The following WWOX variants were observed in gnomAD, a reference collection of about 807,000 sequenced individuals.
The protein encoded by WWOX is WW domain-containing oxidoreductase.
Under a neutral mutation model 46.2 loss-of-function variants are expected in WWOX, and 69 were observed. The observed-to-expected ratio is 1.49, with a 90% CI of 1.23 to 1.82. The LOEUF (loss-of-function observed/expected upper bound fraction) is 1.82, where lower values mean the gene tolerates loss of function less well. Ranked by LOEUF, WWOX falls within the 40% of genes most tolerant of loss-of-function variation. WWOX has a pLI of 0.00. For synonymous variants in WWOX, 359 were observed against 202.6 expected, an observed-to-expected ratio of 1.77 and a Z score of -6.56; for missense variants, 919 against 542.6, an observed-to-expected ratio of 1.69 and a Z score of -6.89.
intron 8 of WWOX, among the ~76,000 whole-genome samples, chr16:79,179,910 A>G (rs2050876231): frequency 6.6e-6 from 1 of 152,228 alleles, no homozygotes; most frequent in African/African-American, 2.4e-5. Context: ...TACAGCATAG[A>G]TGTGAAGTGA....
intron 8 of WWOX, among the ~76,000 whole-genome samples, chr16:79,037,191 G>A (rs78884840): frequency 0.029 from 4,410 of 152,268 alleles, 101 homozygotes; most frequent in African/African-American, 0.057. Context: ...AGTGACAGCA[G>A]TCTTGGCCCT....
chr16:78,558,420 G>C (rs1173252927), intron 8 of WWOX, among the ~76,000 whole-genome samples: 1 of 152,208 alleles, frequency 6.6e-6, no homozygotes, highest in African/African-American at 2.4e-5. Context: ...GGGATTTCCT[G>C]CTTATCTCGA....
intron 8 of WWOX, among the ~76,000 whole-genome samples, chr16:79,111,485 T>G (rs2278050): frequency 0.086 from 13,070 of 152,214 alleles, 741 homozygotes; most frequent in East Asian, 0.18. Context: ...AATCAAGCAC[T>G]CGAGTATCCT....
At chr16:78,424,757 A>G (rs1236541971) in intron 6 of WWOX, 113 bp from the exon 7 acceptor site, 1 of 1,203,490 alleles carries the variant, frequency 8.3e-7, no homozygotes, top group Admixed American at 1.7e-5. Context: ...AGGAGCATGG[A>G]TTATCCTTGG....
At chr16:78,911,434 T>C (rs2045108536) in intron 8 of WWOX, among the ~76,000 whole-genome samples, 1 of 151,978 alleles carries the variant, frequency 6.6e-6, no homozygotes, top group African/African-American at 2.4e-5. Flanking sequence ...CTGACTTTTG[T>C]GGAGACATTA....
At chr16:78,983,992 C>T (rs2046735297) in intron 8 of WWOX, among the ~76,000 whole-genome samples, 1 of 148,330 alleles carries the variant, frequency 6.7e-6, no homozygotes, top group African/African-American at 2.5e-5. Context: ...ATTCTCCTGC[C>T]TCAGCCTCCC....
At chr16:79,160,629 A>G (rs955890299) in intron 8 of WWOX, among the ~76,000 whole-genome samples, 2 of 152,146 alleles carry the variant, frequency 1.3e-5, no homozygotes, top group African/African-American at 4.8e-5. Flanking sequence ...TTGAAGAGGT[A>G]TGGGTCAAGC....
chr16:78,883,281 A>C lies in WWOX; in HGVS notation c.1057-328327A>C, dbSNP rs188550189. 7.9e-3 allele frequency among the ~76,000 whole-genome samples: 1,134 copies of C among 143,948 alleles called. 14 individuals carry two copies. The highest frequency in any genetic ancestry group is 0.03 in the African/African-American group (1,087 of 36,796). 94.4% of individuals were successfully genotyped at this position (143,948 alleles called of 152,430 possible). ...ACCCATCTGGACCCTCTCTCTCATC[A>C]GTAACGCAGTAACGTAGAGATGAAA... On this transcript the variant is annotated intron_variant, in intron 8 of 8. Coordinates refer to ENST00000566780, the MANE Select transcript of WWOX (RefSeq NM_016373.4).
intron 8 of WWOX, among the ~76,000 whole-genome samples, chr16:78,752,779 C>G (rs8052158): frequency 0.72 from 109,479 of 152,130 alleles, 39,749 homozygotes; most frequent in Non-Finnish European, 0.77. Context: ...AATAAGTAGT[C>G]TCCAATAAAT....
intron 8 of WWOX, among the ~76,000 whole-genome samples, chr16:78,548,275 G>T (rs1223893470): frequency 6.6e-6 from 1 of 151,324 alleles, no homozygotes; most frequent in Admixed American, 6.6e-5. Context: ...CAAAAACTTG[G>T]CAGTAGCCCT....
intron 8 of WWOX, among the ~76,000 whole-genome samples, chr16:78,468,429 C>G (rs569624335): frequency 1.3e-5 from 2 of 152,086 alleles, no homozygotes; most frequent in African/African-American, 4.8e-5. Flanking sequence ...GGAACACCAC[C>G]TATCAGAGTT....
At position 78,259,823 on chromosome 16, in the gene WWOX, G is replaced by C. The variant is rs1333032557; in HGVS notation, c.516+95534G>C. 2.0e-5 allele frequency among the ~76,000 whole-genome samples: 3 copies of C among 150,640 alleles called. 1 individual carries two copies. The highest frequency in any genetic ancestry group is 4.4e-5 in the Non-Finnish European group (3 of 67,700). On this transcript the variant is annotated intron_variant, in intron 5 of 8. Coordinates refer to ENST00000566780, the MANE Select transcript of WWOX (RefSeq NM_016373.4). ...TCATATCTAGAAAAATATTGTAAAGGAATATTTAAAGATATATCCACAAAT... is the reference window on the plus strand; with the variant it reads ...TCATATCTAGAAAAATATTGTAAAGCAATATTTAAAGATATATCCACAAAT...
chr16:78,696,327 C>G (rs1449112331), intron 8 of WWOX, among the ~76,000 whole-genome samples: 1 of 152,140 alleles, frequency 6.6e-6, no homozygotes, highest in Non-Finnish European at 1.5e-5. Context: ...TAGGCTGCAC[C>G]TGAGTACCAG....
intron 8 of WWOX, among the ~76,000 whole-genome samples, chr16:78,565,155 T>A (rs1265573598): frequency 6.6e-6 from 1 of 152,246 alleles, no homozygotes; most frequent in African/African-American, 2.4e-5. Flanking sequence ...TTGGCATTGG[T>A]GCCTCTAAGT....
At chr16:78,559,689 T>TAAA (rs2044387794) in intron 8 of WWOX, among the ~76,000 whole-genome samples, 1 of 152,206 alleles carries the variant, frequency 6.6e-6, no homozygotes, top group African/African-American at 2.4e-5. Context: ...TTCTTTTTAA[T>TAAA]CCTCCTCCTC....
intron 8 of WWOX, among the ~76,000 whole-genome samples, chr16:78,763,515 T>G (rs1110554): frequency 1.1e-4 from 16 of 151,880 alleles, no homozygotes; most frequent in Non-Finnish European, 1.6e-4. Context: ...ATGAATGCAA[T>G]TTTTTACATA....
chr16:78,276,797 GAA>G (rs1467896140), intron 5 of WWOX, among the ~76,000 whole-genome samples: 1 of 152,278 alleles, frequency 6.6e-6, no homozygotes. Flanking sequence ...TTTACTGTCT[GAA>G]AGTTTTAGGG....
At chr16:79,038,075 A>G (rs189144241) in intron 8 of WWOX, among the ~76,000 whole-genome samples, 3 of 152,200 alleles carry the variant, frequency 2.0e-5, no homozygotes, top group East Asian at 1.9e-4. Context: ...TTCCCTCCTC[A>G]ACAATTAATT....
intron 8 of WWOX, among the ~76,000 whole-genome samples, chr16:78,883,137 C>T (rs1381920675): frequency 6.6e-6 from 1 of 152,130 alleles, no homozygotes; most frequent in East Asian, 1.9e-4. Context: ...TTGGATGCCA[C>T]CACACATGCC....
Sources: allele counts gnomAD v4.1 joint callset (sites outside exome capture counted in the v4.1 genomes callset), GRCh38; gene constraint gnomAD v4.1.1; transcripts MANE v1.5; gene names NCBI Gene and HGNC (gene_info 2026-07-23, HGNC 2026-07-21).